SORCS1: variants seen among roughly 807,000 people sequenced by gnomAD.
The protein encoded by SORCS1 is sortilin related VPS10 domain containing receptor 1.
SORCS1 carries 60 observed loss-of-function variants against 146.1 expected under a neutral mutation model. The ratio of observed to expected loss-of-function variants is 0.41; its 90% CI spans 0.33 to 0.51. SORCS1 has a LOEUF of 0.51. SORCS1 is among the 20% of genes least tolerant of loss of function. The pLI is 0.21. For synonymous variants in SORCS1, 637 were observed against 584.0 expected (o/e 1.09, Z -1.31); for missense variants, 1,352 against 1,487.6 (o/e 0.91, Z 1.50).
chr10:107,132,331 C>T (rs1966920156), intron 1 of SORCS1, among the ~76,000 whole-genome samples: 1 of 152,188 alleles, frequency 6.6e-6, no homozygotes, highest in South Asian at 2.1e-4. Flanking sequence ...TCAGTGAGAG[C>T]CCCTCTTGTT....
intron 1 of SORCS1, among the ~76,000 whole-genome samples, chr10:107,027,072 T>C (rs1958440086): frequency 6.9e-6 from 1 of 145,488 alleles, no homozygotes; most frequent in African/African-American, 2.6e-5. Context: ...TAAATATATA[T>C]CAGATATACA....
chr10:106,992,874 C>T (rs1304512072), intron 1 of SORCS1, among the ~76,000 whole-genome samples: 1 of 131,516 alleles, frequency 7.6e-6, no homozygotes, highest in Non-Finnish European at 1.5e-5. Flanking sequence ...GCTGTGTCAC[C>T]AGGCTGGAGC....
At chr10:106,781,734 T>A (rs540409778) in intron 3 of SORCS1, among the ~76,000 whole-genome samples, 2 of 152,298 alleles carry the variant, frequency 1.3e-5, no homozygotes, top group African/African-American at 4.8e-5. Flanking sequence ...GAGGGCTGAG[T>A]ACTTATCCTT....
At position 106,575,437 on chromosome 10, in the gene SORCS1, AAAG is replaced by A. The variant is rs1449000079; in HGVS notation, c.*1980_*1982del. The A allele has an allele frequency of 2.6e-5, 4 of 152,228 alleles. No individual in the cohort carries two copies. The East Asian group carries it at 7.7e-4, about 29-fold the overall frequency. 9.4% of individuals were successfully genotyped at this position (152,228 alleles called of 1,614,324 possible). On this transcript the variant is annotated 3_prime_UTR_variant, in exon 26 of 26. Coordinates refer to ENST00000263054, the MANE Select transcript of SORCS1 (RefSeq NM_052918.5). ...TACCCTGTTGGCTTAGGGACATAGCAAAGAAGGAGGCTGAGCATACTAAGAGGT... is the reference window on the plus strand; with the variant it reads ...TACCCTGTTGGCTTAGGGACATAGCAAAGGAGGCTGAGCATACTAAGAGGT...
rs561452379 is a variant in SORCS1, at chr10:107,078,054, G to A, written c.558+85915C>T. Among the ~76,000 whole-genome samples the A allele has an allele frequency of 1.1e-4, 17 of 152,200 alleles. No individual in the cohort carries two copies. In the South Asian group the frequency reaches 3.5e-3, roughly 32 times the overall value. ...ACTTATGATGAATATAAAGTGTTAG[G>A]TGAGTAAAGAGAAATTAGAAAATTT... On this transcript the variant is annotated intron_variant, in intron 1 of 25. Transcript: ENST00000263054.
At chr10:106,706,021 T>C (rs894947749) in intron 8 of SORCS1, among the ~76,000 whole-genome samples, 4 of 152,076 alleles carry the variant, frequency 2.6e-5, no homozygotes, top group Non-Finnish European at 5.9e-5. Flanking sequence ...GATAATCAAA[T>C]GGGACAGAAA....
Position 107,164,075 on chromosome 10 carries a change from G to A in SORCS1, c.452C>T (p.Thr151Ile). ...GTRERDPDKA[T>I]RFRMEELRLT... Reference sequence around the variant, plus strand: ...TCTCAGCTCCTCCATCCGGAAGCGGGTGGCTTTGTCCGGGTCCCGCTCCCG... The same window carrying A: ...TCTCAGCTCCTCCATCCGGAAGCGGATGGCTTTGTCCGGGTCCCGCTCCCG... Residue 151 changes from threonine to isoleucine, a missense_variant, in exon 1 of 26, where the codon ACC becomes ATC. Around this residue, in one of 3 missense-constraint regions of SORCS1, gnomAD observed 490 missense variants for 489.1 expected, o/e 1.00. Coordinates refer to ENST00000263054, the MANE Select transcript of SORCS1 (RefSeq NM_052918.5). This position sits in a 1 kb window ranked among gnomAD's most constrained non-coding sequence, Gnocchi z 6.8. 2 of 1,613,890 alleles carry A rather than the reference G, an allele frequency of 1.2e-6. No individual in the cohort carries two copies. The highest frequency in any genetic ancestry group is 2.2e-5 in the South Asian group (2 of 91,074).
intron 21 of SORCS1, among the ~76,000 whole-genome samples, chr10:106,616,962 T>C (rs1292556455): frequency 5.6e-5 from 6 of 107,324 alleles, no homozygotes; most frequent in Non-Finnish European, 1.0e-4. Context: ...CTTTTTTTTT[T>C]TTTTCTTTCG....
At chr10:106,615,817 T>C (rs2133451771) in intron 21 of SORCS1, among the ~76,000 whole-genome samples, 1 of 152,272 alleles carries the variant, frequency 6.6e-6, no homozygotes, top group African/African-American at 2.4e-5. Flanking sequence ...CCTTGGGTGA[T>C]ACCTGTAAAG....
chr10:106,634,292 G>C (rs943445227), intron 18 of SORCS1, among the ~76,000 whole-genome samples: 4 of 152,164 alleles, frequency 2.6e-5, no homozygotes, highest in Admixed American at 2.6e-4. Context: ...CAACACCTGC[G>C]AATGATCCTT....
chr10:106,747,600 T>C (rs1185599262), intron 5 of SORCS1, among the ~76,000 whole-genome samples: 1 of 152,210 alleles, frequency 6.6e-6, no homozygotes, highest in Non-Finnish European at 1.5e-5. Context: ...TTCTCTACTC[T>C]TCTGTCTTGA....
chr10:106,696,568 T>C (rs821957), intron 9 of SORCS1, among the ~76,000 whole-genome samples: 127,775 of 152,166 alleles, frequency 0.84, 54,827 homozygotes, highest in Non-Finnish European at 0.94. Flanking sequence ...TACAGTCACA[T>C]CACTGCTCAA....
At chr10:107,033,206 A>G (rs1020571246) in intron 1 of SORCS1, among the ~76,000 whole-genome samples, 2 of 152,136 alleles carry the variant, frequency 1.3e-5, no homozygotes, top group Non-Finnish European at 2.9e-5. Flanking sequence ...AGTGCCACAC[A>G]CTTTTAAATC....
intron 2 of SORCS1, among the ~76,000 whole-genome samples, chr10:106,865,226 G>A (rs969358263): frequency 4.6e-5 from 7 of 151,928 alleles, no homozygotes; most frequent in South Asian, 2.1e-4. Flanking sequence ...CTCCCAACCC[G>A]GATCTCCAGC....
At chr10:106,927,177 G>A (rs1047770838) in intron 2 of SORCS1, among the ~76,000 whole-genome samples, 12 of 152,120 alleles carry the variant, frequency 7.9e-5, no homozygotes, top group African/African-American at 2.7e-4. Context: ...GAATGAAGCT[G>A]TGGACCCTCG....
At chr10:106,953,146 TGTGTGTG>T (rs1954777910) in intron 2 of SORCS1, among the ~76,000 whole-genome samples, 2 of 12,826 alleles carry the variant, frequency 1.6e-4, no homozygotes, top group African/African-American at 1.0e-3. Flanking sequence ...GGGTATAGTG[TGTGTGTG>T]TGTGTGTGTG....
intron 10 of SORCS1, among the ~76,000 whole-genome samples, chr10:106,684,949 C>T (rs1406141390): frequency 6.6e-6 from 1 of 152,162 alleles, no homozygotes; most frequent in Non-Finnish European, 1.5e-5. Flanking sequence ...TTGTCATTTT[C>T]CCCTTCTCAC....
chr10:106,923,400 C>A (rs10786983), intron 2 of SORCS1, among the ~76,000 whole-genome samples: 1 of 151,986 alleles, frequency 6.6e-6, no homozygotes, highest in Admixed American at 6.5e-5. Flanking sequence ...ATCCACTTAC[C>A]AAAGGACATC....
intron 2 of SORCS1, among the ~76,000 whole-genome samples, chr10:106,869,732 A>T (rs1950339026): frequency 6.6e-6 from 1 of 152,204 alleles, no homozygotes; most frequent in Non-Finnish European, 1.5e-5. Flanking sequence ...CACAGCCAAC[A>T]TCATACTGAA....
Sources: allele counts gnomAD v4.1 joint callset (sites outside exome capture counted in the v4.1 genomes callset), GRCh38; gene constraint gnomAD v4.1.1; regional missense constraint gnomAD v4.1.1; non-coding constraint Gnocchi (gnomAD v3.1); transcripts MANE v1.5; gene names NCBI Gene and HGNC (gene_info 2026-07-23, HGNC 2026-07-21).